PDXDC1: variants seen among roughly 807,000 people sequenced by gnomAD.
The protein encoded by PDXDC1 is pyridoxal-dependent decarboxylase domain-containing protein 1.
Under a neutral mutation model 100.1 loss-of-function variants are expected in PDXDC1, and 42 were observed. That is an observed-to-expected ratio of 0.42 (90% CI 0.33 to 0.54). The LOEUF (loss-of-function observed/expected upper bound fraction) is 0.54. Among genes scored for constraint, PDXDC1 ranks in the 20% least tolerant of loss-of-function variants. The probability of loss-of-function intolerance (pLI) is 0.10; values close to 1 mark genes in which losing one functional copy is unlikely to be tolerated. For synonymous variants in PDXDC1, 260 were observed against 371.7 expected (o/e 0.70, Z 3.46); for missense variants, 636 against 979.2 (o/e 0.65, Z 4.68).
intron 16 of PDXDC1, among the ~76,000 whole-genome samples, chr16:15,064,380 G>C (rs2044863896): frequency 6.6e-6 from 1 of 152,054 alleles, no homozygotes; most frequent in African/African-American, 2.4e-5. Flanking sequence ...TCACCATCTT[G>C]GCTAGGCTGG....
At chr16:14,984,487 ATATATATATT>A (rs1230242347) in intron 1 of PDXDC1, among the ~76,000 whole-genome samples, 1 of 87,392 alleles carries the variant, frequency 1.1e-5, no homozygotes, top group East Asian at 9.5e-4. Flanking sequence ...ATATATATAT[ATATATATATT>A]TTTTTTTTTT....
chr16:15,074,389 G>C (rs1029378711), intron 16 of PDXDC1, among the ~76,000 whole-genome samples: 3 of 152,088 alleles, frequency 2.0e-5, no homozygotes, highest in Non-Finnish European at 4.4e-5. Context: ...ATACATAACG[G>C]AGCACCATAT....
At chr16:14,975,449 G>C (rs1966669028) in intron 1 of PDXDC1, 1 of 985,334 alleles carries the variant, frequency 1.0e-6, no homozygotes, top group Non-Finnish European at 1.2e-6. Flanking sequence ...GGGGTTCGGT[G>C]GGGGCCGCGA....
chr16:15,079,835 G>C (rs1447894678), intron 16 of PDXDC1, among the ~76,000 whole-genome samples: 2 of 152,208 alleles, frequency 1.3e-5, no homozygotes, highest in African/African-American at 2.4e-5. Context: ...GACCTCAGGT[G>C]ATCTGCCTGC....
At chr16:15,149,436 TGGGAG>T in the PDXDC1 span, among the ~76,000 whole-genome samples, 1 of 152,160 alleles carries the variant, frequency 6.6e-6, no homozygotes, top group Non-Finnish European at 1.5e-5. Context: ...GGACCAGAAA[TGGGAG>T]CCAGGGGCCC....
intron 16 of PDXDC1, chr16:15,137,327 C>T (rs993047253): frequency 1.1e-4 from 156 of 1,387,810 alleles, no homozygotes; most frequent in Non-Finnish European, 1.4e-4. Context: ...GGGGCCGGAG[C>T]AGAGGGACAG....
In PDXDC1 at chr16:15,011,640, T is replaced by C. The variant is rs866527867; in HGVS notation, c.727+1881T>C. ...TGCAAAACATTTTTTTCTTTTTTTTTTTTTTTTTTTGTCTTTTTCTATTTT... is the reference window on the plus strand; with the variant it reads ...TGCAAAACATTTTTTTCTTTTTTTTCTTTTTTTTTTGTCTTTTTCTATTTT... On this transcript the variant is annotated intron_variant, in intron 8 of 22. Coordinates refer to ENST00000396410, the MANE Select transcript of PDXDC1 (RefSeq NM_015027.4). 3.7e-4 allele frequency among the ~76,000 whole-genome samples: 42 copies of C among 113,306 alleles called. No homozygotes were observed. The Middle Eastern group carries it at 0.018, about 48-fold the overall frequency. The allele number at this position is 113,306 out of a possible 152,430, so 74.3% of individuals were successfully genotyped here.
chr16:15,124,778 A>C (rs1474235417), intron 16 of PDXDC1, among the ~76,000 whole-genome samples: 2 of 151,786 alleles, frequency 1.3e-5, no homozygotes, highest in Non-Finnish European at 2.9e-5. Flanking sequence ...TCTCAAAAAC[A>C]GCAACAACTA....
downstream of PDXDC1, chr16:15,038,380 C>T (rs2043640952): frequency 3.2e-6 from 2 of 620,602 alleles, no homozygotes; most frequent in East Asian, 5.5e-5. Flanking sequence ...CTGCTTTACC[C>T]ACACACATTT....
At chr16:15,128,044 C>T (rs765065675) in intron 16 of PDXDC1, 15 of 1,604,558 alleles carry the variant, frequency 9.3e-6, no homozygotes, top group South Asian at 4.4e-5. Flanking sequence ...CCGTCTCCAC[C>T]GAAAGCCAGT....
downstream of PDXDC1, chr16:15,038,672 C>T: frequency 6.4e-7 from 1 of 1,574,062 alleles, no homozygotes; most frequent in Non-Finnish European, 8.7e-7. Context: ...GTCTCTGCAT[C>T]ATAAATGCTA....
At chr16:15,143,951 G>A (rs1183862610), downstream of PDXDC1, among the ~76,000 whole-genome samples, 2 of 152,170 alleles carry the variant, frequency 1.3e-5, no homozygotes, top group Non-Finnish European at 2.9e-5. Flanking sequence ...TGCCCGCGCT[G>A]GCCGCCTCAC....
At chr16:15,144,359 A>G in the PDXDC1 span, among the ~76,000 whole-genome samples, 9 of 152,278 alleles carry the variant, frequency 5.9e-5, no homozygotes, top group South Asian at 1.9e-3. Context: ...TTAAATTAAC[A>G]GGCTGCAGTT....
At chr16:15,017,511 G>C (rs1243360448) in intron 11 of PDXDC1, 89 bp downstream of exon 11, 3 of 843,724 alleles carry the variant, frequency 3.6e-6, no homozygotes, top group Admixed American at 5.0e-5. Flanking sequence ...ACAGGAAAAA[G>C]TGAAAAATAC....
In PDXDC1 at chr16:15,072,988, C is replaced by T. The variant is rs528304449; in HGVS notation, c.1399+42932C>T. The T allele has an allele frequency of 3.7e-6, 6 of 1,613,696 alleles. 1 individual carries two copies. In the South Asian group the frequency reaches 4.4e-5, roughly 12 times the overall value. ...CAGAGGTAAAACATGAAAAACTGTA[C>T]ATGGCAGGAGGCATGGGTGGGCAAC... is the stretch of plus-strand genomic sequence containing the variant. On this transcript the variant is annotated intron_variant, in intron 16 of 16. Transcript: ENST00000535621.
intron 13 of PDXDC1, among the ~76,000 whole-genome samples, chr16:15,024,560 A>G (rs1382397043): frequency 6.6e-6 from 1 of 152,138 alleles, no homozygotes; most frequent in East Asian, 1.9e-4. Flanking sequence ...TTACAGGCGC[A>G]TGCCACCATG....
chr16:15,089,701 G>C (rs969252164), intron 16 of PDXDC1, among the ~76,000 whole-genome samples: 2 of 147,792 alleles, frequency 1.4e-5, no homozygotes, highest in Admixed American at 1.4e-4. Flanking sequence ...TTGGGAGGCT[G>C]AGGCAGGAGA....
chr16:15,130,309 G>T, intron 16 of PDXDC1: 1 of 1,541,696 alleles, frequency 6.5e-7, no homozygotes. Flanking sequence ...TCCTCCAGGG[G>T]CAGCAGCCCC....
rs186431716 is a variant in PDXDC1, at chr16:15,074,476, T to C, written c.1399+44420T>C. On this transcript the variant is annotated intron_variant, in intron 16 of 16. Coordinates refer to the PDXDC1 transcript ENST00000535621. ...TTGATCTAAAACTGGCCAAACTCCA[T>C]ATATAATCTTTCAATACAACAATCA... 1.8e-3 allele frequency among the ~76,000 whole-genome samples: 275 copies of C among 152,314 alleles called. 1 individual carries two copies. The highest frequency in any genetic ancestry group is 5.3e-3 in the African/African-American group (222 of 41,568).
Sources: gnomAD v4.1 joint callset for allele counts (sites outside exome capture counted in the v4.1 genomes callset) on GRCh38, gnomAD v4.1.1 for gene constraint, MANE v1.5 for transcripts, NCBI Gene and HGNC (gene_info 2026-07-23, HGNC 2026-07-21) for gene names.